CRB2: variants seen among roughly 807,000 people sequenced by gnomAD.
The protein encoded by CRB2 is crumbs cell polarity complex component 2, also known as protein crumbs homolog 2.
Under a neutral mutation model 110.9 loss-of-function variants are expected in CRB2, and 85 were observed. That is an observed-to-expected ratio of 0.77 (90% CI 0.64 to 0.92). CRB2 has a LOEUF of 0.92. CRB2 is among the 40% of genes least tolerant of loss of function. The pLI, the probability that CRB2 is intolerant of heterozygous loss-of-function variation, is 0.00. For synonymous variants in CRB2, 907 were observed against 831.0 expected, an observed-to-expected ratio of 1.09 and a Z score of -1.57; for missense variants, 1,843 against 1,851.3, an observed-to-expected ratio of 1.00 and a Z score of 0.08.
chr9:123,375,762 C>T (rs1365355855), intron 12 of CRB2, among the ~76,000 whole-genome samples: 2 of 151,788 alleles, frequency 1.3e-5, no homozygotes, highest in Admixed American at 1.3e-4. Flanking sequence ...GGCAGGGGGC[C>T]TGGGAGTCCG....
chr9:123,377,400 T>TA lies in CRB2; in HGVS notation c.*339dup, dbSNP rs1442657107. On this transcript the variant is annotated 3_prime_UTR_variant, in exon 13 of 13. Transcript: ENST00000373631. ...TGTGAGTGTGTACCTGGGCCTGTGT[T>TA]AGTCTGCAGATGCTAGTGTGAGTGT... 4.0e-6 allele frequency: 1 copy of TA among 248,282 alleles called. No homozygotes were observed. The highest frequency in any genetic ancestry group is 7.7e-6 in the Non-Finnish European group (1 of 130,362). 15.4% of individuals were successfully genotyped at this position (248,282 alleles called of 1,614,324 possible). A position where few individuals can be genotyped will look rare whatever the true frequency, so the allele number is the denominator to read the frequency against.
chr9:123,371,916 C>T (rs544480921), intron 8 of CRB2, among the ~76,000 whole-genome samples: 4 of 152,246 alleles, frequency 2.6e-5, no homozygotes, highest in Admixed American at 1.3e-4. Flanking sequence ...AGAATTCCAC[C>T]AACCCTGGAG....
chr9:123,367,554 A>C lies in CRB2; in HGVS notation c.941-19A>C, dbSNP rs1239380631. 10 of 1,538,644 alleles carry C rather than the reference A, an allele frequency of 6.5e-6. No individual in the cohort carries two copies. Among genetic ancestry groups the C allele is most frequent in the South Asian group, 3.6e-5 (3 of 83,790 alleles). Reference sequence around the variant, plus strand: ...GGCTCTGAGGGTGCAGGTGGGACCCACAGCTGGGCCTCTTACAGGAGCCGA... The same window carrying C: ...GGCTCTGAGGGTGCAGGTGGGACCCCCAGCTGGGCCTCTTACAGGAGCCGA... On this transcript the variant is annotated intron_variant, in intron 5 of 12. Coordinates refer to ENST00000373631, the MANE Select transcript of CRB2 (RefSeq NM_173689.7).
At position 123,373,856 on chromosome 9, in the gene CRB2, C is replaced by T. The variant is rs185968694; in HGVS notation, c.3325C>T (p.His1109Tyr). 2 of 1,559,206 alleles carry T rather than the reference C, an allele frequency of 1.3e-6. No individual in the cohort carries two copies. Among genetic ancestry groups the T allele is most frequent in the Non-Finnish European group, 1.7e-6 (2 of 1,157,684 alleles). Reference protein sequence around the residue: ...HSAPCARGRCHTHPDGRFECR... With the variant: ...HSAPCARGRCYTHPDGRFECR... ...CGCCCCCTGCGCCCGTGGCCGCTGT[C>T]ACACGCACCCCGACGGCCGCTTCGA... The change falls in exon 10 of 13, where the codon CAC (histidine) becomes TAC (tyrosine). Residue 1109 changes from histidine to tyrosine, a missense_variant. His to Tyr is a moderately conservative substitution (Grantham distance 83). Coordinates refer to ENST00000373631, the MANE Select transcript of CRB2 (RefSeq NM_173689.7).
chr9:123,372,304 C>G lies in CRB2; in HGVS notation c.2564C>G (p.Pro855Arg). ...QLWCPGQPCL[P>R]PATCEEVPDG... ...TGGTGTCCCGGCCAGCCCTGTCTCC[C>G]ACCTGCCACGTGTGAGGAGGTCCCT... The change falls in exon 9 of 13, where the codon CCA becomes CGA. Residue 855 changes from proline to arginine, a missense_variant. Coordinates refer to ENST00000373631, the MANE Select transcript of CRB2 (RefSeq NM_173689.7). 1 of 1,610,048 alleles carries G rather than the reference C, an allele frequency of 6.2e-7. No homozygotes were observed. The highest frequency in any genetic ancestry group is 1.7e-5 in the Admixed American group (1 of 59,778).
chr9:123,356,501 T>A, intron 1 of CRB2, 147 bp downstream of exon 1: 1 of 329,246 alleles, frequency 3.0e-6, no homozygotes, highest in Non-Finnish European at 5.1e-6. Flanking sequence ...TGCGCGGCTG[T>A]GGCCCCCAGA....
In CRB2 at chr9:123,361,142, G is replaced by GGGC. The variant is rs1554781932; in HGVS notation, c.95-1721_95-1720insCGG. The stretch of plus-strand genomic sequence containing the variant: ...TTCAGATTGGATGGGCGGGGAGGGG[G>GGGC]GGGGGTTCCTTGCACTGCACAGGTG... On this transcript the variant is annotated intron_variant, in intron 1 of 12. Transcript: ENST00000373631. 3.3e-4 allele frequency among the ~76,000 whole-genome samples: 49 copies of GGGC among 150,554 alleles called. 1 individual carries two copies. The South Asian group carries it at 4.1e-3, about 12-fold the overall frequency.
At chr9:123,362,480 C>T (rs546063918) in intron 1 of CRB2, among the ~76,000 whole-genome samples, 1 of 152,156 alleles carries the variant, frequency 6.6e-6, no homozygotes, top group Non-Finnish European at 1.5e-5. Flanking sequence ...GCTCAGCAAG[C>T]CTTCACTTTC....
rs937013342 is a variant in CRB2 at position 123,370,199 on chromosome 9, C to T, written c.1146C>T (p.Cys382=). ...TCSDTVAGYI[C]RCPETWGGRD... ...GTGACACTGTGGCAGGCTATATCTG[C>T]AGGTGCCCAGAGACCTGGGGTGGGC... is the stretch of plus-strand genomic sequence containing the variant. Residue 382 remains cysteine, a synonymous_variant, in exon 7 of 13, where the codon TGC becomes TGT. Transcript: ENST00000373631. 6.2e-7 allele frequency: 1 copy of T among 1,612,952 alleles called. No homozygotes were observed. The highest frequency in any genetic ancestry group is 8.5e-7 in the Non-Finnish European group (1 of 1,179,926).
Position 123,373,274 on chromosome 9 carries a change from G to A in CRB2, c.2743G>A (p.Gly915Ser). 2 of 1,483,316 alleles carry A rather than the reference G, an allele frequency of 1.3e-6. No individual in the cohort carries two copies. Among genetic ancestry groups the A allele is most frequent in the Admixed American group, 2.3e-5 (1 of 43,064 alleles). The allele number at this position is 1,483,316 out of a possible 1,614,324, so 91.9% of individuals were successfully genotyped here. ...SEAWLLRAAA[G>S]ALEGVWLAVR... ...GGCCTGGCTGCTGCGTGCCGCGGCG[G>A]GCGCCCTGGAAGGCGTGTGGCTGGC... Residue 915 changes from glycine to serine, a missense_variant, in exon 10 of 13, where the codon GGC (glycine) becomes AGC (serine). Coordinates refer to ENST00000373631, the MANE Select transcript of CRB2 (RefSeq NM_173689.7).
Position 123,370,592 on chromosome 9 carries a change from C to T in CRB2, c.1539C>T (p.Ala513=), listed in dbSNP as rs757677524. The change falls in exon 7 of 13, where the codon GCC becomes GCT. Residue 513 remains alanine, a synonymous_variant. Coordinates refer to ENST00000373631, the MANE Select transcript of CRB2 (RefSeq NM_173689.7). ...TVLVLRLPDL[A]LNDGHWHQVE... ...TTGTCCTGAGACTGCCGGACCTGGC[C>T]CTAAACGATGGCCATTGGCACCAGG... is the stretch of plus-strand genomic sequence containing the variant. 1 of 1,613,072 alleles carries T rather than the reference C, an allele frequency of 6.2e-7. No individual in the cohort carries two copies. The highest frequency in any genetic ancestry group is 1.7e-5 in the Admixed American group (1 of 60,030).
chr9:123,365,289 C>T (rs2041916069), intron 2 of CRB2, among the ~76,000 whole-genome samples: 1 of 151,964 alleles, frequency 6.6e-6, no homozygotes, highest in Non-Finnish European at 1.5e-5. Context: ...AAAACAAACC[C>T]AAAACAACTA....
Position 123,366,222 on chromosome 9 carries a change from C to T in CRB2, c.615-5C>T. ...CGCTCAGCTCCGCCGGTGCGCCCTC[C>T]CCAGGTTCCGGTGCGACTGCGCGGG... On this transcript the variant is annotated splice_polypyrimidine_tract_variant and splice_region_variant and intron_variant, in intron 3 of 12. Coordinates refer to ENST00000373631, the MANE Select transcript of CRB2 (RefSeq NM_173689.7). The T allele has an allele frequency of 1.4e-6, 2 of 1,447,790 alleles. No homozygotes were observed. Among genetic ancestry groups the T allele is most frequent in the Non-Finnish European group, 9.0e-7 (1 of 1,109,522 alleles). 89.7% of individuals were successfully genotyped at this position (1,447,790 alleles called of 1,614,324 possible). A position where few individuals can be genotyped will look rare whatever the true frequency, so the allele number is the denominator to read the frequency against.
intron 1 of CRB2, among the ~76,000 whole-genome samples, chr9:123,362,073 C>T (rs1188576107): frequency 6.6e-6 from 1 of 152,182 alleles, no homozygotes; most frequent in Non-Finnish European, 1.5e-5. Context: ...GCCAGGCCGG[C>T]CACTCAGGTG....
At position 123,356,202 on chromosome 9, in the gene CRB2, G is replaced by A. The variant is rs1203450083; in HGVS notation, c.-59G>A. The A allele has an allele frequency of 8.0e-7, 1 of 1,252,390 alleles. No individual in the cohort carries two copies. The highest frequency in any genetic ancestry group is 2.9e-5 in the Admixed American group (1 of 33,990). 77.6% of individuals were successfully genotyped at this position (1,252,390 alleles called of 1,614,324 possible). A position where few individuals can be genotyped will look rare whatever the true frequency, so the allele number is the denominator to read the frequency against. On this transcript the variant is annotated 5_prime_UTR_variant, in exon 1 of 13. Transcript: ENST00000373631. Reference sequence around the variant, plus strand: ...GTTGGAGGGACGAGGGGGGTGCGGAGCCAGCCAGGCCGCCCTCCCGTTCTC... The same window carrying A: ...GTTGGAGGGACGAGGGGGGTGCGGAACCAGCCAGGCCGCCCTCCCGTTCTC...
At chr9:123,365,856 A>G in intron 2 of CRB2, 61 bp from the exon 3 acceptor site, 1 of 1,429,994 alleles carries the variant, frequency 7.0e-7, no homozygotes, top group Non-Finnish European at 9.3e-7. Context: ...GCCTGGCGCG[A>G]CCTCTTCCGC....
chr9:123,376,775 C>T lies in CRB2; in HGVS notation c.3634-63C>T, dbSNP rs79829444. On this transcript the variant is annotated intron_variant, in intron 12 of 12. Transcript: ENST00000373631. ...GTCCTTGTGCTGCGCTCTCTGCTCT[C>T]TGAGGGCCCCGGCGTCCTCCCCTTC... The T allele has an allele frequency of 7.9e-4, 1,150 of 1,446,916 alleles. 4 individuals carry two copies. The African/African-American group carries it at 0.012, about 15-fold the overall frequency. The allele number at this position is 1,446,916 out of a possible 1,614,324, so 89.6% of individuals were successfully genotyped here.
At chr9:123,365,784 A>G (rs1019343872) in intron 2 of CRB2, 133 bp from the exon 3 acceptor site, 4 of 768,122 alleles carry the variant, frequency 5.2e-6, no homozygotes, top group Non-Finnish European at 7.6e-6. Context: ...CCACCCCCCA[A>G]CCACCACCAC....
Position 123,370,764 on chromosome 9 carries a change from C to G in CRB2, c.1711C>G (p.Leu571Val), listed in dbSNP as rs767636651. 1.2e-6 allele frequency: 2 copies of G among 1,602,712 alleles called. No homozygotes were observed. Among genetic ancestry groups the G allele is most frequent in the East Asian group, 4.5e-5 (2 of 44,876 alleles). Residue 571 changes from leucine (L) to valine (V), a missense_variant, in exon 7 of 13, where the codon CTG (leucine) becomes GTG (valine). Transcript: ENST00000373631. ...GCCTGCCGGGATCTCCTCTGCCCAGCTGGGGGACGCGACCTTTGCAGGCTG... is the reference window on the plus strand; with the variant it reads ...GCCTGCCGGGATCTCCTCTGCCCAGGTGGGGGACGCGACCTTTGCAGGCTG... Reference protein sequence around the residue: ...PLPAGISSAQLGDATFAGCLQ... With the variant: ...PLPAGISSAQVGDATFAGCLQ...
Sources: gnomAD v4.1 joint callset for allele counts (sites outside exome capture counted in the v4.1 genomes callset) on GRCh38, gnomAD v4.1.1 for gene constraint, MANE v1.5 for transcripts, NCBI Gene and HGNC (gene_info 2026-07-23, HGNC 2026-07-21) for gene names.